Variants in COL4A5 observed in about 807,000 individuals in gnomAD.
COL4A5 encodes collagen type IV alpha 5 chain.
Under a neutral mutation model 130.2 loss-of-function variants are expected in COL4A5, and 26 were observed. That is an observed-to-expected ratio of 0.20 (90% CI 0.15 to 0.28). The LOEUF (loss-of-function observed/expected upper bound fraction) is 0.28. Ranked by LOEUF, COL4A5 falls within the 10% of genes least tolerant of loss-of-function variation. The pLI is 1.00. For missense variants in COL4A5, 1,131 were observed against 1,344.3 expected (o/e 0.84, Z 2.48); for synonymous variants, 496 against 439.6 (o/e 1.13, Z -1.60).
intron 4 of COL4A5, among the ~76,000 whole-genome samples, chrX:108,567,603 G>A (rs1358957022): frequency 8.9e-6 from 1 of 111,839 alleles, no homozygotes; most frequent in African/African-American, 3.3e-5. Context: ...CCCAAGACTA[G>A]GTAATTTATA....
Position 108,601,430 on chromosome X carries a change from G to C in COL4A5, c.1986G>C (p.Pro662=). The C allele has an allele frequency of 8.3e-7, 1 of 1,208,169 alleles. No individual in the cohort carries two copies. Among genetic ancestry groups the C allele is most frequent in the Non-Finnish European group, 1.1e-6 (1 of 893,902 alleles). The change falls in exon 26 of 53, where the codon CCG becomes CCC. Residue 662 remains proline (P), a synonymous_variant. Coordinates refer to ENST00000328300, the MANE Select transcript of COL4A5 (RefSeq NM_033380.3). ...KGDPGQTITQ[P]GKPGLPGNPG... ...ATCCAGGTCAGACTATAACCCAGCC[G>C]GGGAAGCCTGGCTTGCCTGGTAACC...
intron 1 of COL4A5, among the ~76,000 whole-genome samples, chrX:108,443,825 G>C (rs1417199271): frequency 9.0e-6 from 1 of 111,560 alleles, no homozygotes; most frequent in African/African-American, 3.3e-5. Context: ...TAAATATCCT[G>C]TTTCTCATCA....
At chrX:108,589,467 C>T (rs1347903418) in intron 19 of COL4A5, among the ~76,000 whole-genome samples, 1 of 110,525 alleles carries the variant, frequency 9.0e-6, no homozygotes, top group Admixed American at 9.6e-5. Flanking sequence ...TTTGAAAGGA[C>T]TAAACACTGA....
At chrX:108,631,688 C>T (rs1231456775) in intron 36 of COL4A5, among the ~76,000 whole-genome samples, 2 of 111,329 alleles carry the variant, frequency 1.8e-5, no homozygotes, top group Non-Finnish European at 3.8e-5. Flanking sequence ...CACTCAAAAC[C>T]GCATGACTAC....
intron 1 of COL4A5, among the ~76,000 whole-genome samples, chrX:108,505,100 G>C (rs975679701): frequency 6.3e-5 from 7 of 111,426 alleles, no homozygotes; most frequent in Non-Finnish European, 1.3e-4. Flanking sequence ...GATGAAACTG[G>C]AGGCCATTAT....
At chrX:108,691,089 C>T (rs1329189462) in intron 49 of COL4A5, among the ~76,000 whole-genome samples, 2 of 110,754 alleles carry the variant, frequency 1.8e-5, no homozygotes, top group Non-Finnish European at 1.9e-5. Context: ...CATGTTCTCA[C>T]GTATATATGG....
At chrX:108,643,606 A>G (rs1397370807) in intron 36 of COL4A5, among the ~76,000 whole-genome samples, 1 of 111,823 alleles carries the variant, frequency 8.9e-6, no homozygotes, top group East Asian at 2.8e-4. Flanking sequence ...TTTTGTATCC[A>G]GTGAAACTAA....
At chrX:108,513,025 A>G (rs184171144) in intron 1 of COL4A5, among the ~76,000 whole-genome samples, 2 of 111,961 alleles carry the variant, frequency 1.8e-5, no homozygotes, top group African/African-American at 6.5e-5. Context: ...ATTTATTATC[A>G]TAATGATACT....
At chrX:108,664,010 C>A (rs1465148149) in intron 37 of COL4A5, among the ~76,000 whole-genome samples, 1 of 111,373 alleles carries the variant, frequency 9.0e-6, no homozygotes, top group Non-Finnish European at 1.9e-5. Flanking sequence ...TATGGTGAAA[C>A]CCTGTCTCTA....
At chrX:108,629,928 G>A (rs1248584713) in intron 36 of COL4A5, among the ~76,000 whole-genome samples, 4 of 110,781 alleles carry the variant, frequency 3.6e-5, no homozygotes, top group South Asian at 3.8e-4. Context: ...CTCTCCTTGC[G>A]ATAGTTTCCT....
chrX:108,473,178 T>G (rs1377040485), intron 1 of COL4A5, among the ~76,000 whole-genome samples: 1 of 111,948 alleles, frequency 8.9e-6, no homozygotes, highest in Non-Finnish European at 1.9e-5. Flanking sequence ...ATACAATTAT[T>G]TATAGTATGT....
intron 37 of COL4A5, among the ~76,000 whole-genome samples, chrX:108,659,959 G>C (rs1174863810): frequency 1.8e-5 from 2 of 110,665 alleles, no homozygotes; most frequent in African/African-American, 3.3e-5. Flanking sequence ...CTGGTTTCCT[G>C]TTCTGTTTGG....
At chrX:108,488,343 T>G (rs1168110606) in intron 1 of COL4A5, among the ~76,000 whole-genome samples, 1 of 112,902 alleles carries the variant, frequency 8.9e-6, no homozygotes, top group Non-Finnish European at 1.9e-5. Flanking sequence ...AGTCCCCTAT[T>G]GAGGGATGTT....
Position 108,653,473 on chromosome X carries a change from C to G in COL4A5, c.3247-1858C>G, listed in dbSNP as rs540879787. 7.8e-3 allele frequency among the ~76,000 whole-genome samples: 866 copies of G among 110,446 alleles called. 8 individuals are homozygous for G. The highest frequency in any genetic ancestry group is 0.042 in the South Asian group (109 of 2,595). On this transcript the variant is annotated intron_variant, in intron 36 of 52. Transcript: ENST00000328300. ...CTGGGGAAAGGAGTAGTTCAGGTTT[C>G]GAGAGGGATGGAATGGGACAACATG...
intron 1 of COL4A5, among the ~76,000 whole-genome samples, chrX:108,453,007 C>T (rs1290509608): frequency 9.0e-6 from 1 of 110,786 alleles, no homozygotes; most frequent in Non-Finnish European, 1.9e-5. Flanking sequence ...CCCATCAATA[C>T]CTAATTTATT....
chrX:108,616,912 A>G (rs2066938891), intron 30 of COL4A5, among the ~76,000 whole-genome samples: 2 of 110,131 alleles, frequency 1.8e-5, no homozygotes, highest in African/African-American at 6.5e-5. Context: ...AAGTATAAAT[A>G]GGATGGGCAG....
intron 21 of COL4A5, among the ~76,000 whole-genome samples, chrX:108,594,238 A>G (rs772649876): frequency 5.1e-4 from 57 of 111,445 alleles, no homozygotes; most frequent in Middle Eastern, 4.6e-3. Context: ...TGTATTTCAT[A>G]TATGATCCAT....
intron 28 of COL4A5, among the ~76,000 whole-genome samples, chrX:108,605,307 G>T (rs775456333): frequency 1.9e-4 from 21 of 111,269 alleles, no homozygotes; most frequent in Non-Finnish European, 3.4e-4. Context: ...GTTATTAATT[G>T]GCCTAATTTC....
intron 2 of COL4A5, among the ~76,000 whole-genome samples, chrX:108,547,333 G>T (rs1043748519): frequency 2.2e-4 from 25 of 112,157 alleles, no homozygotes; most frequent in African/African-American, 7.1e-4. Flanking sequence ...TAACAGTCAG[G>T]ACCCTCAGCT....
Sources: allele counts gnomAD v4.1 joint callset (sites outside exome capture counted in the v4.1 genomes callset), GRCh38; gene constraint gnomAD v4.1.1; transcripts MANE v1.5; gene names NCBI Gene and HGNC (gene_info 2026-07-23, HGNC 2026-07-21).